Variants in UNC13B observed in about 807,000 individuals in gnomAD.
UNC13B encodes the protein protein unc-13 homolog B.
UNC13B carries 144 observed loss-of-function variants against 211.0 expected under a neutral mutation model. That is an observed-to-expected ratio of 0.68 (90% CI 0.60 to 0.78). The LOEUF is 0.78. Ranked by LOEUF, UNC13B falls within the 30% of genes least tolerant of loss-of-function variation. The pLI is 0.00. For synonymous variants in UNC13B, 709 were observed against 725.8 expected (o/e 0.98, Z 0.37); for missense variants, 1,777 against 2,002.0 (o/e 0.89, Z 2.14).
rs1834805980 is a variant in UNC13B, at chr9:35,381,152, T to C, written c.10428T>C (p.Ser3476=). ...AVSGAIRLQI[S]VEIKGEEKVA... ...CAGGGGCTATCCGACTACAAATCAG[T>C]GTGGAGATCAAGGGGGAGGAGAAAG... is the stretch of plus-strand genomic sequence containing the variant. The change falls in exon 19 of 40, where the codon AGT becomes AGC. Residue 3476 remains serine, a synonymous_variant. Transcript: ENST00000635942. 1 of 1,614,056 alleles carries C rather than the reference T, an allele frequency of 6.2e-7. No individual in the cohort carries two copies. The highest frequency in any genetic ancestry group is 1.7e-4 in the Middle Eastern group (1 of 6,054).
At chr9:35,372,109 A>C (rs149854269) in intron 13 of UNC13B, among the ~76,000 whole-genome samples, 71 of 152,320 alleles carry the variant, frequency 4.7e-4, no homozygotes, top group Middle Eastern at 3.4e-3. Context: ...GTTTCTACTA[A>C]AAATACAAAA....
At chr9:35,361,685 C>T (rs1035750484) in intron 11 of UNC13B, 1 of 152,130 alleles carries the variant, frequency 6.6e-6, no homozygotes, top group Non-Finnish European at 1.5e-5. Flanking sequence ...ATATATGATA[C>T]TACAAAACAG....
At chr9:35,225,534 T>C (rs932638466) in intron 1 of UNC13B, among the ~76,000 whole-genome samples, 4 of 152,076 alleles carry the variant, frequency 2.6e-5, no homozygotes, top group African/African-American at 9.7e-5. Context: ...GAGTGGCTTT[T>C]TTAGGGAAAG....
At chr9:35,369,730 C>G (rs950156471) in intron 12 of UNC13B, among the ~76,000 whole-genome samples, 19 of 152,164 alleles carry the variant, frequency 1.2e-4, no homozygotes, top group Admixed American at 2.6e-4. Flanking sequence ...CATACCACCT[C>G]CCCTATTACA....
chr9:35,243,421 T>C (rs1185939052), intron 6 of UNC13B, 57 bp downstream of exon 6: 1 of 1,585,806 alleles, frequency 6.3e-7, no homozygotes. Flanking sequence ...CAATGCTCTT[T>C]ATAGGTTGCC....
intron 11 of UNC13B, chr9:35,352,497 A>G: frequency 8.1e-7 from 1 of 1,232,096 alleles, no homozygotes; most frequent in Non-Finnish European, 1.0e-6. Context: ...TTTTTTCAAC[A>G]ACAACATCAG....
chr9:35,258,717 C>G (rs1160507976), intron 6 of UNC13B, among the ~76,000 whole-genome samples: 4 of 152,240 alleles, frequency 2.6e-5, no homozygotes, highest in Admixed American at 2.6e-4. Context: ...AGCTGCCTGG[C>G]AGAGCTAGGT....
intron 26 of UNC13B, among the ~76,000 whole-genome samples, chr9:35,394,568 C>G (rs1304904842): frequency 1.3e-5 from 2 of 152,160 alleles, no homozygotes; most frequent in Non-Finnish European, 2.9e-5. Context: ...TGCACTCCAC[C>G]CTGGGTGACA....
chr9:35,401,921 A>C (rs553687727), intron 37 of UNC13B: 34 of 1,546,732 alleles, frequency 2.2e-5, no homozygotes, highest in Non-Finnish European at 2.9e-5. Flanking sequence ...TGCTGCTGCT[A>C]CTACCTCTGA....
At chr9:35,231,267 T>C in intron 3 of UNC13B, 48 bp downstream of exon 3, 1 of 1,237,384 alleles carries the variant, frequency 8.1e-7, no homozygotes, top group Non-Finnish European at 1.2e-6. Flanking sequence ...ATAATCTTTT[T>C]AAGGGAATTG....
chr9:35,309,405 C>T (rs975079059), intron 9 of UNC13B, among the ~76,000 whole-genome samples: 1 of 152,094 alleles, frequency 6.6e-6, no homozygotes, highest in Non-Finnish European at 1.5e-5. Context: ...GGGAAAATCC[C>T]ATTGGAAAAT....
chr9:35,291,109 G>GT (rs1475277908), intron 7 of UNC13B: 3 of 1,550,010 alleles, frequency 1.9e-6, no homozygotes, highest in Non-Finnish European at 2.6e-6. Flanking sequence ...AACAGAGTAC[G>GT]TAAGAATTGA....
rs1404852318 is a variant in UNC13B, at chr9:35,378,370, A to C, written c.10139A>C (p.Lys3380Thr). 1 of 1,614,040 alleles carries C rather than the reference A, an allele frequency of 6.2e-7. No individual in the cohort carries two copies. Among genetic ancestry groups the C allele is most frequent in the Non-Finnish European group, 8.5e-7 (1 of 1,180,022 alleles). ...SDPYVTVQVS[K>T]TKKRTKTIFG... The stretch of plus-strand genomic sequence containing the variant: ...CCTTACGTGACTGTGCAAGTCAGCA[A>C]AACTAAGAAGCGTACCAAGACCATT... The change falls in exon 17 of 40, where the codon AAA (lysine) becomes ACA (threonine). Residue 3380 changes from lysine (K) to threonine (T), a missense_variant. Coordinates refer to ENST00000635942, the MANE Select transcript of UNC13B (RefSeq NM_001371189.2).
intron 1 of UNC13B, among the ~76,000 whole-genome samples, chr9:35,172,754 A>G (rs967214647): frequency 8.5e-5 from 13 of 152,230 alleles, no homozygotes; most frequent in African/African-American, 3.1e-4. Context: ...CAAAGGAAAA[A>G]GAATCATGAA....
chr9:35,301,163 A>G lies in UNC13B; in HGVS notation c.1759A>G (p.Met587Val), dbSNP rs904780908. 5.0e-6 allele frequency: 2 copies of G among 398,848 alleles called. No homozygotes were observed. The highest frequency in any genetic ancestry group is 8.9e-6 in the Non-Finnish European group (2 of 225,980). The allele number at this position is 398,848 out of a possible 1,614,324, so 24.7% of individuals were successfully genotyped here. A position where few individuals can be genotyped will look rare whatever the true frequency, so the allele number is the denominator to read the frequency against. ...TAATTTGGGATCTAAACCCAGAGCC[A>G]TGGCAGTATTGGGGAAGGATCTTTC... ...AINLGSKPRA[M>V]AVLGKDLSMQ... is the part of the protein sequence containing the mutation. The change falls in exon 9 of 40, where the codon ATG (methionine) becomes GTG (valine). Residue 587 changes from methionine (M) to valine (V), a missense_variant. By Grantham distance (21) the Met-to-Val change is conservative. Coordinates refer to ENST00000635942, the MANE Select transcript of UNC13B (RefSeq NM_001371189.2).
chr9:35,245,887 G>A lies in UNC13B; in HGVS notation c.468+2523G>A, dbSNP rs376813972. On this transcript the variant is annotated intron_variant, in intron 6 of 39. Coordinates refer to ENST00000635942, the MANE Select transcript of UNC13B (RefSeq NM_001371189.2). ...ACCCAGTAATGGGATGGCTGAGTCA[G>A]ATGGTATTTCTAGTTCTAGATCCCT... 7.6e-4 allele frequency among the ~76,000 whole-genome samples: 116 copies of A among 152,172 alleles called. 1 individual carries two copies. In the South Asian group the frequency reaches 0.019, roughly 25 times the overall value.
intron 1 of UNC13B, among the ~76,000 whole-genome samples, chr9:35,224,894 G>A (rs1824746845): frequency 1.3e-5 from 2 of 151,978 alleles, no homozygotes; most frequent in Non-Finnish European, 1.5e-5. Context: ...ATCAATAAAT[G>A]CGATACATCA....
chr9:35,377,816 G>A (rs1587729130), intron 16 of UNC13B, 121 bp downstream of exon 16: 3 of 1,045,056 alleles, frequency 2.9e-6, no homozygotes, highest in East Asian at 2.6e-5. Context: ...AAATCACTGG[G>A]AAGGAAAGGC....
At chr9:35,398,403 G>T in intron 31 of UNC13B, 115 bp downstream of exon 31, 3 of 1,417,148 alleles carry the variant, frequency 2.1e-6, no homozygotes, top group Non-Finnish European at 2.9e-6. Flanking sequence ...TTGGGGTCTG[G>T]GCTGGCTTAA....
Sources: gnomAD v4.1 joint callset for allele counts (sites outside exome capture counted in the v4.1 genomes callset) on GRCh38, gnomAD v4.1.1 for gene constraint, MANE v1.5 for transcripts, NCBI Gene and HGNC (gene_info 2026-07-23, HGNC 2026-07-21) for gene names.